Variants in ZFR observed in about 807,000 individuals in gnomAD.
ZFR encodes the protein zinc finger RNA binding protein, also known as zinc finger RNA-binding protein.
ZFR carries 19 observed loss-of-function variants against 130.7 expected under a neutral mutation model. The ratio of observed to expected loss-of-function variants is 0.15; its 90% confidence interval spans 0.10 to 0.21. The LOEUF (loss-of-function observed/expected upper bound fraction) is 0.21, where lower values mean the gene tolerates loss of function less well. Among genes scored for constraint, ZFR ranks in the 10% least tolerant of loss-of-function variants. ZFR has a pLI of 1.00. For synonymous variants in ZFR, 466 were observed against 456.9 expected (o/e 1.02, Z -0.25); for missense variants, 872 against 1,321.5 (o/e 0.66, Z 5.27).
chr5:32,419,369 G>A (rs998130963), intron 3 of ZFR, among the ~76,000 whole-genome samples: 4 of 151,798 alleles, frequency 2.6e-5, no homozygotes, highest in Admixed American at 6.6e-5. Context: ...ACAGGGTCTC[G>A]CTCTGTCACC....
intron 17 of ZFR, among the ~76,000 whole-genome samples, chr5:32,373,405 G>A (rs1752721795): frequency 6.6e-6 from 1 of 152,016 alleles, no homozygotes; most frequent in African/African-American, 2.4e-5. Context: ...GGAAAGGGTG[G>A]GGAAATAAAA....
At chr5:32,404,262 T>C (rs1019602640) in intron 6 of ZFR, among the ~76,000 whole-genome samples, 165 bp from the exon 7 acceptor site, 1 of 152,220 alleles carries the variant, frequency 6.6e-6, no homozygotes, top group African/African-American at 2.4e-5. Flanking sequence ...GACATATCTA[T>C]GGTTCTCTGT....
In ZFR at chr5:32,355,649, T is replaced by A; in HGVS notation, c.*111A>T. 9.3e-7 allele frequency: 1 copy of A among 1,074,156 alleles called. No individual in the cohort carries two copies. The highest frequency in any genetic ancestry group is 1.3e-6 in the Non-Finnish European group (1 of 776,080). 66.5% of individuals were successfully genotyped at this position (1,074,156 alleles called of 1,614,324 possible). On this transcript the variant is annotated 3_prime_UTR_variant, in exon 20 of 20. Transcript: ENST00000265069. ...ATCATAGAAAAACTTGGTTCTTCCA[T>A]GAAATCCTTTAAATTCTTGATAAAT...
intron 17 of ZFR, among the ~76,000 whole-genome samples, chr5:32,375,734 G>C (rs973141424): frequency 6.6e-6 from 1 of 152,076 alleles, no homozygotes; most frequent in East Asian, 1.9e-4. Context: ...CTCCAACTCC[G>C]GGACTCAAGC....
At chr5:32,393,477 GGA>G in intron 11 of ZFR, among the ~76,000 whole-genome samples, 2 of 152,048 alleles carry the variant, frequency 1.3e-5, no homozygotes, top group East Asian at 3.9e-4. Context: ...CTGAGTAGCC[GGA>G]ATTACAGGCA....
At position 32,364,417 on chromosome 5, in the gene ZFR, C is replaced by T. The variant is rs552040373; in HGVS notation, c.2836-142G>A. On this transcript the variant is annotated intron_variant, in intron 17 of 19. Coordinates refer to ENST00000265069, the MANE Select transcript of ZFR (RefSeq NM_016107.5). ...TCACAAAAACAGAAAATAAATATTA[C>T]ATATAATATAAAAACATTCAAAATT... The T allele has an allele frequency of 7.5e-4, 401 of 532,698 alleles. 3 individuals carry two copies. The highest frequency in any genetic ancestry group is 6.8e-3 in the African/African-American group (354 of 52,198). 33.0% of individuals were successfully genotyped at this position (532,698 alleles called of 1,614,324 possible).
chr5:32,359,804 C>A (rs1202387977), intron 19 of ZFR, among the ~76,000 whole-genome samples: 1 of 151,978 alleles, frequency 6.6e-6, no homozygotes, highest in Non-Finnish European at 1.5e-5. Flanking sequence ...CAAAAAGTAG[C>A]CGGGGGGTGG....
chr5:32,433,534 G>A (rs1012283592), intron 2 of ZFR, among the ~76,000 whole-genome samples: 21 of 152,136 alleles, frequency 1.4e-4, no homozygotes, highest in Admixed American at 3.9e-4. Flanking sequence ...TCCTGCACTT[G>A]CAGGGTCAAA....
At position 32,403,239 on chromosome 5, in the gene ZFR, A is replaced by AATTGATG. The variant is rs771918616; in HGVS notation, c.1382_1383insCATCAAT (p.Ala462IlefsTer19). 6.2e-7 allele frequency: 1 copy of AATTGATG among 1,614,078 alleles called. No individual in the cohort carries two copies. The highest frequency in any genetic ancestry group is 1.3e-5 in the African/African-American group (1 of 74,938). On this transcript the variant is annotated frameshift_variant, in exon 8 of 20. Transcript: ENST00000265069. LOFTEE classifies it high-confidence loss of function. Reference sequence around the variant, plus strand: ...TAAGACCCTTCATTGAAGACGTTGCAACTGATGACGTATTCACAGTACAAT... The same window carrying AATTGATG: ...TAAGACCCTTCATTGAAGACGTTGCAATTGATGACTGATGACGTATTCACAGTACAAT...
intron 10 of ZFR, 41 bp downstream of exon 10, chr5:32,397,178 T>C (rs1358045740): frequency 3.8e-6 from 6 of 1,559,554 alleles, no homozygotes; most frequent in Non-Finnish European, 5.2e-6. Context: ...TTTGTTTTTG[T>C]TTTTTGTTTT....
chr5:32,379,191 T>G lies in ZFR; in HGVS notation c.2759A>C (p.Gln920Pro). The G allele has an allele frequency of 6.2e-7, 1 of 1,613,980 alleles. No individual in the cohort carries two copies. The highest frequency in any genetic ancestry group is 1.1e-5 in the South Asian group (1 of 91,074). The part of the protein sequence containing the change: ...KWFQARANGL[Q>P]SCVIIIRILR... The stretch of plus-strand genomic sequence containing the variant: ...AATGCGTATGATAATCACACAGGAC[T>G]GCAGACCATTAGCTCTAGCCTTGAG... Residue 920 changes from glutamine (Q) to proline (P), a missense_variant, in exon 17 of 20, where the codon CAG becomes CCG. This residue lies in a region of ZFR where 158 missense variants were observed against 264.0 expected (regional missense o/e 0.60). Transcript: ENST00000265069.
At chr5:32,371,984 G>C (rs1752677065) in intron 17 of ZFR, among the ~76,000 whole-genome samples, 1 of 152,156 alleles carries the variant, frequency 6.6e-6, no homozygotes, top group South Asian at 2.1e-4. Context: ...GAAACAAATG[G>C]AGCAAATCCT....
intron 13 of ZFR, among the ~76,000 whole-genome samples, chr5:32,388,002 T>C (rs1753076661): frequency 1.3e-5 from 2 of 152,176 alleles, no homozygotes. Context: ...TACAAAAATA[T>C]TTCCAAATGG....
chr5:32,358,666 C>T (rs932623583), intron 19 of ZFR, among the ~76,000 whole-genome samples: 1 of 151,288 alleles, frequency 6.6e-6, no homozygotes, highest in Non-Finnish European at 1.5e-5. Context: ...TTTTAAAGTT[C>T]TATCCTCTTC....
chr5:32,392,136 G>A (rs569687750), intron 11 of ZFR, among the ~76,000 whole-genome samples: 16 of 152,300 alleles, frequency 1.1e-4, no homozygotes, highest in Non-Finnish European at 1.9e-4. Flanking sequence ...CAGCTTAAAC[G>A]TTCTGGAAAA....
At chr5:32,391,735 A>G (rs535325167) in intron 11 of ZFR, among the ~76,000 whole-genome samples, 1 of 152,064 alleles carries the variant, frequency 6.6e-6, no homozygotes, top group South Asian at 2.1e-4. Context: ...AGAAACTACC[A>G]ATTTCCTCAG....
intron 2 of ZFR, among the ~76,000 whole-genome samples, chr5:32,422,722 CAG>C (rs1254456957): frequency 7.6e-6 from 1 of 131,028 alleles, no homozygotes; most frequent in Non-Finnish European, 1.5e-5. Flanking sequence ...ATCGCTTGAG[CAG>C]AGGAGGTTGA....
intron 17 of ZFR, among the ~76,000 whole-genome samples, chr5:32,368,393 G>A (rs573554874): frequency 6.6e-6 from 1 of 152,222 alleles, no homozygotes; most frequent in South Asian, 2.1e-4. Context: ...GAGCCACCAC[G>A]CCCAGCTAAT....
chr5:32,404,131 C>A, intron 6 of ZFR, 34 bp from the exon 7 acceptor site: 1 of 1,542,018 alleles, frequency 6.5e-7, no homozygotes, highest in Non-Finnish European at 8.8e-7. Flanking sequence ...TTTTGCTTCA[C>A]TAATTTTCTT....
Sources: allele counts gnomAD v4.1 joint callset (sites outside exome capture counted in the v4.1 genomes callset), GRCh38; gene constraint gnomAD v4.1.1; regional missense constraint gnomAD v4.1.1; transcripts MANE v1.5; gene names NCBI Gene and HGNC (gene_info 2026-07-23, HGNC 2026-07-21).